The following ARHGAP12 variants were observed in gnomAD, a reference collection of about 807,000 sequenced individuals.
ARHGAP12 encodes rho GTPase-activating protein 12.
Under a neutral mutation model 108.6 loss-of-function variants are expected in ARHGAP12, and 64 were observed. The ratio of observed to expected loss-of-function variants is 0.59; its 90% confidence interval spans 0.48 to 0.73. The LOEUF is 0.73. Ranked by LOEUF, ARHGAP12 falls within the 30% of genes least tolerant of loss-of-function variation. The pLI is 0.00. For missense variants in ARHGAP12, 940 were observed against 1,005.9 expected, an observed-to-expected ratio of 0.93 and a Z score of 0.89; for synonymous variants, 312 against 337.2, an observed-to-expected ratio of 0.93 and a Z score of 0.82.
At chr10:31,851,809 G>GA (rs1263378772) in intron 6 of ARHGAP12, among the ~76,000 whole-genome samples, 2 of 152,068 alleles carry the variant, frequency 1.3e-5, no homozygotes, top group Non-Finnish European at 2.9e-5. Context: ...TTGGGGAAAA[G>GA]ACAAATTTTA....
At chr10:31,880,525 AAAGAAT>A (rs1837907234) in intron 3 of ARHGAP12, among the ~76,000 whole-genome samples, 1 of 152,198 alleles carries the variant, frequency 6.6e-6, no homozygotes, top group Non-Finnish European at 1.5e-5. Context: ...TCTGAAACAA[AAAGAAT>A]AAGATTCTAC....
chr10:31,827,590 G>A (rs1835664166), intron 10 of ARHGAP12, among the ~76,000 whole-genome samples: 1 of 152,130 alleles, frequency 6.6e-6, no homozygotes, highest in South Asian at 2.1e-4. Context: ...AGGAGATCGA[G>A]ACCATCCTGG....
chr10:31,918,637 T>C (rs1404493522), intron 1 of ARHGAP12, among the ~76,000 whole-genome samples: 2 of 152,158 alleles, frequency 1.3e-5, no homozygotes, highest in East Asian at 1.9e-4. Context: ...AGCCTGGAAG[T>C]TGAGGCTGCA....
chr10:31,882,100 G>A (rs987318316), intron 3 of ARHGAP12, among the ~76,000 whole-genome samples: 2 of 151,892 alleles, frequency 1.3e-5, no homozygotes, highest in Non-Finnish European at 2.9e-5. Flanking sequence ...ATTTTTAGTA[G>A]AGACGGGGTT....
chr10:31,830,396 C>G (rs1825019122), intron 10 of ARHGAP12, among the ~76,000 whole-genome samples: 1 of 151,688 alleles, frequency 6.6e-6, no homozygotes, highest in African/African-American at 2.4e-5. Flanking sequence ...ATCTAAAAGG[C>G]TACTATCATA....
At chr10:31,851,864 T>G (rs1467727912) in intron 6 of ARHGAP12, among the ~76,000 whole-genome samples, 1 of 152,214 alleles carries the variant, frequency 6.6e-6, no homozygotes, top group Non-Finnish European at 1.5e-5. Context: ...ATTTGTCCAC[T>G]AATTACGGCT....
chr10:31,912,953 T>C (rs2132469516), intron 1 of ARHGAP12, among the ~76,000 whole-genome samples: 1 of 152,314 alleles, frequency 6.6e-6, no homozygotes, highest in East Asian at 1.9e-4. Flanking sequence ...TTACAAATAT[T>C]TTCTCCCATT....
chr10:31,835,928 T>C (rs1564379588), intron 9 of ARHGAP12, among the ~76,000 whole-genome samples: 2 of 152,148 alleles, frequency 1.3e-5, no homozygotes, highest in African/African-American at 4.8e-5. Flanking sequence ...ACAGAGGTGA[T>C]AGCCACACAC....
chr10:31,837,889 A>T (rs1836087539), intron 9 of ARHGAP12, among the ~76,000 whole-genome samples: 1 of 152,194 alleles, frequency 6.6e-6, no homozygotes, highest in Admixed American at 6.5e-5. Flanking sequence ...TTTACTGAGC[A>T]GCTATTATAT....
chr10:31,833,270 C>A (rs1835898534), intron 9 of ARHGAP12, among the ~76,000 whole-genome samples: 1 of 148,706 alleles, frequency 6.7e-6, no homozygotes. Context: ...GGGAACTCAG[C>A]AATTGGAAAG....
Position 31,817,698 on chromosome 10 carries a change from T to C in ARHGAP12, c.1731+90A>G, listed in dbSNP as rs60187120. 757 of 832,428 alleles carry C rather than the reference T, an allele frequency of 9.1e-4. 3 individuals carry two copies. The African/African-American group carries it at 0.013, about 14-fold the overall frequency. 51.6% of individuals were successfully genotyped at this position (832,428 alleles called of 1,614,324 possible). ...CATATATAAAGTGCCTTTTCACATA[T>C]AGATTGCAATCCGGATATCCAATAA... On this transcript the variant is annotated intron_variant, in intron 13 of 19. Coordinates refer to ENST00000344936, the MANE Select transcript of ARHGAP12 (RefSeq NM_018287.7).
At chr10:31,925,312 G>C (rs987117455) in intron 1 of ARHGAP12, among the ~76,000 whole-genome samples, 1 of 152,176 alleles carries the variant, frequency 6.6e-6, no homozygotes, top group Non-Finnish European at 1.5e-5. Context: ...AACTTTTAGT[G>C]AGCAATGGAA....
intron 9 of ARHGAP12, among the ~76,000 whole-genome samples, chr10:31,835,958 C>T (rs1835999866): frequency 3.3e-5 from 5 of 151,948 alleles, no homozygotes; most frequent in African/African-American, 1.2e-4. Flanking sequence ...ATATTAAATG[C>T]CACTGAACTG....
chr10:31,862,072 C>A (rs1259547521), intron 3 of ARHGAP12, among the ~76,000 whole-genome samples: 1 of 152,106 alleles, frequency 6.6e-6, no homozygotes, highest in Non-Finnish European at 1.5e-5. Flanking sequence ...TGATTTTAGG[C>A]AATACTTTAA....
intron 9 of ARHGAP12, among the ~76,000 whole-genome samples, chr10:31,833,573 C>G (rs1316927146): frequency 6.6e-6 from 1 of 152,066 alleles, no homozygotes; most frequent in Non-Finnish European, 1.5e-5. Flanking sequence ...GGATCAAGAC[C>G]CAAGTACTAA....
chr10:31,852,852 G>A (rs1592290174), intron 5 of ARHGAP12, among the ~76,000 whole-genome samples: 2 of 147,118 alleles, frequency 1.4e-5, no homozygotes, highest in South Asian at 2.1e-4. Flanking sequence ...TCAGCCTCCC[G>A]AGTAGCTGGG....
chr10:31,817,793 T>C lies in ARHGAP12; in HGVS notation c.1726A>G (p.Asn576Asp), dbSNP rs1217431835. 6.3e-7 allele frequency: 1 copy of C among 1,592,102 alleles called. No homozygotes were observed. Among genetic ancestry groups the C allele is most frequent in the African/African-American group, 1.4e-5 (1 of 73,514 alleles). Residue 576 changes from asparagine to aspartate, a missense_variant, in exon 13 of 20, where the codon AAT (asparagine) becomes GAT (aspartate). By Grantham distance (23) the Asn-to-Asp change is conservative. Transcript: ENST00000344936. ...TACCTAAGTCAACGACATACCTGAT[T>C]ATTGATTGTACTACTAAGAACTTTA... ...WFKVLSSTINNQAVETDEGIE... is the reference protein window; with the variant it reads ...WFKVLSSTINDQAVETDEGIE...
intron 8 of ARHGAP12, 135 bp from the exon 9 acceptor site, chr10:31,839,454 C>A (rs1263818315): frequency 1.8e-6 from 2 of 1,096,236 alleles, no homozygotes; most frequent in South Asian, 1.9e-5. Flanking sequence ...ATATTTTAAA[C>A]AAAAGGGGGA....
chr10:31,898,857 C>G (rs1838812768), intron 3 of ARHGAP12, among the ~76,000 whole-genome samples: 2 of 151,134 alleles, frequency 1.3e-5, no homozygotes, highest in South Asian at 4.2e-4. Flanking sequence ...AGTGTAACAA[C>G]AACAAACAAA....
Sources: allele counts gnomAD v4.1 joint callset (sites outside exome capture counted in the v4.1 genomes callset), GRCh38; gene constraint gnomAD v4.1.1; transcripts MANE v1.5; gene names NCBI Gene and HGNC (gene_info 2026-07-23, HGNC 2026-07-21).